ZNF503: variants seen among roughly 807,000 people sequenced by gnomAD.
The protein encoded by ZNF503 is zinc finger protein 503.
Under a neutral mutation model 34.4 loss-of-function variants are expected in ZNF503, and 15 were observed. That is an observed-to-expected ratio of 0.44 (90% CI 0.29 to 0.67). The LOEUF is 0.67. ZNF503 is among the 30% of genes least tolerant of loss of function. ZNF503 has a pLI of 0.13. For synonymous variants in ZNF503, 580 were observed against 456.8 expected (o/e 1.27, Z -3.44); for missense variants, 1,007 against 926.8 (o/e 1.09, Z -1.12).
rs1843829965 is a variant in ZNF503, at chr10:75,401,716, C to T, written c.-297G>A. 1 of 399,172 alleles carries T rather than the reference C, an allele frequency of 2.5e-6. No homozygotes were observed. Among genetic ancestry groups the T allele is most frequent in the Non-Finnish European group, 4.4e-6 (1 of 225,114 alleles). 24.7% of individuals were successfully genotyped at this position (399,172 alleles called of 1,614,324 possible). ...GCGCTGCGTTCTCGCGGCCCCGCGC[C>T]GGCGCTGCGCTCTGCGATGCGAGCC... On this transcript the variant is annotated 5_prime_UTR_variant, in exon 1 of 2. Transcript: ENST00000372524.
the ZNF503 span, among the ~76,000 whole-genome samples, chr10:75,355,172 T>C: frequency 3.9e-5 from 6 of 152,322 alleles, no homozygotes; most frequent in African/African-American, 1.2e-4. Flanking sequence ...AAGCCAAAGC[T>C]TCAATCCACA....
At chr10:75,284,777 A>T in the ZNF503 span, among the ~76,000 whole-genome samples, 1 of 152,214 alleles carries the variant, frequency 6.6e-6, no homozygotes, top group African/African-American at 2.4e-5. Flanking sequence ...GTCTTTATTT[A>T]CACTCAAATG....
chr10:75,392,453 G>A, the ZNF503 span, among the ~76,000 whole-genome samples: 8 of 152,310 alleles, frequency 5.3e-5, no homozygotes, highest in African/African-American at 2.4e-5. Flanking sequence ...GTGGTGGGGG[G>A]AAAATCTAGA....
At chr10:75,310,992 T>C in the ZNF503 span, among the ~76,000 whole-genome samples, 1 of 152,182 alleles carries the variant, frequency 6.6e-6, no homozygotes, top group African/African-American at 2.4e-5. Context: ...AGACAATTGT[T>C]TTAGCCAGGG....
At chr10:75,381,650 A>G in the ZNF503 span, among the ~76,000 whole-genome samples, 4 of 152,020 alleles carry the variant, frequency 2.6e-5, no homozygotes, top group African/African-American at 4.8e-5. Flanking sequence ...GGAGCAACAA[A>G]ATAGAACTTT....
chr10:75,309,790 T>G, the ZNF503 span, among the ~76,000 whole-genome samples: 1 of 152,244 alleles, frequency 6.6e-6, no homozygotes, highest in Non-Finnish European at 1.5e-5. Context: ...ATGTCTTTGG[T>G]GTCATATCTA....
chr10:75,328,216 G>C, the ZNF503 span, among the ~76,000 whole-genome samples: 2 of 152,030 alleles, frequency 1.3e-5, no homozygotes, highest in Non-Finnish European at 2.9e-5. Context: ...TCTTCTAGTA[G>C]TTTCATCATT....
chr10:75,369,283 T>C, the ZNF503 span, among the ~76,000 whole-genome samples: 24 of 152,370 alleles, frequency 1.6e-4, no homozygotes, highest in Admixed American at 7.2e-4. Flanking sequence ...TTTTTTGATA[T>C]GGTTTGGCTC....
At chr10:75,393,676 G>T (rs1005120181), downstream of ZNF503, among the ~76,000 whole-genome samples, 2 of 152,166 alleles carry the variant, frequency 1.3e-5, no homozygotes, top group African/African-American at 4.8e-5. Flanking sequence ...GGCCAACATG[G>T]TGAAACCCTG....
At position 75,401,488 on chromosome 10, in the gene ZNF503, C is replaced by T; in HGVS notation, c.-69G>A. The T allele has an allele frequency of 1.4e-6, 2 of 1,469,006 alleles. No individual in the cohort carries two copies. Among genetic ancestry groups the T allele is most frequent in the Non-Finnish European group, 1.8e-6 (2 of 1,115,732 alleles). The allele number at this position is 1,469,006 out of a possible 1,614,324, so 91.0% of individuals were successfully genotyped here. A position where few individuals can be genotyped will look rare whatever the true frequency, so the allele number is the denominator to read the frequency against. On this transcript the variant is annotated 5_prime_UTR_variant, in exon 1 of 2. Coordinates refer to ENST00000372524, the MANE Select transcript of ZNF503 (RefSeq NM_032772.6). Reference sequence around the variant, plus strand: ...GAGGCGCGGGGCGGGCTCGGGGCTGCGCGCTCGCCCCGGGAGCAGGAGCAG... The same window carrying T: ...GAGGCGCGGGGCGGGCTCGGGGCTGTGCGCTCGCCCCGGGAGCAGGAGCAG...
rs1450391183 is a variant in ZNF503 at position 75,399,916 on chromosome 10, G to A, written c.774C>T (p.Thr258=). The change falls in exon 2 of 2, where the codon ACC becomes ACT. Residue 258 remains threonine, a synonymous_variant. Coordinates refer to ENST00000372524, the MANE Select transcript of ZNF503 (RefSeq NM_032772.6). The part of the protein sequence containing the change: ...APEGKDDKKD[T]DVGGGGKGTG... Reference sequence around the variant, plus strand: ...TGCCCTTGCCACCGCCGCCCACGTCGGTGTCTTTCTTGTCGTCCTTGCCCT... The same window carrying A: ...TGCCCTTGCCACCGCCGCCCACGTCAGTGTCTTTCTTGTCGTCCTTGCCCT... 4 of 1,605,908 alleles carry A rather than the reference G, an allele frequency of 2.5e-6. No homozygotes were observed. In the East Asian group the frequency reaches 6.7e-5, roughly 27 times the overall value.
the ZNF503 span, chr10:75,338,293 T>C: frequency 2.0e-5 from 3 of 152,252 alleles, no homozygotes; most frequent in African/African-American, 7.2e-5. Context: ...ACCTTGCATT[T>C]ATGGAACACT....
At chr10:75,348,507 A>ATT in the ZNF503 span, among the ~76,000 whole-genome samples, 1,302 of 99,324 alleles carry the variant, frequency 0.013, 58 homozygotes, top group African/African-American at 0.046. Flanking sequence ...CCCTATTACT[A>ATT]TTTTTTTTTT....
chr10:75,284,872 A>G, the ZNF503 span, among the ~76,000 whole-genome samples: 8 of 152,244 alleles, frequency 5.3e-5, no homozygotes, highest in Admixed American at 5.2e-4. Context: ...AGCTAAAGAA[A>G]TACAAGTATT....
At chr10:75,293,871 G>A in the ZNF503 span, among the ~76,000 whole-genome samples, 1 of 152,166 alleles carries the variant, frequency 6.6e-6, no homozygotes, top group African/African-American at 2.4e-5. Context: ...TGTGGTCCAG[G>A]AAAGTCCTGG....
At chr10:75,286,639 T>C in the ZNF503 span, among the ~76,000 whole-genome samples, 1 of 152,204 alleles carries the variant, frequency 6.6e-6, no homozygotes, top group African/African-American at 2.4e-5. Context: ...GAAGCCTGAC[T>C]GAGATGCACA....
rs750168325 is a variant in ZNF503, at chr10:75,399,496, C to T, written c.1194G>A (p.Ala398=). 8.9e-6 allele frequency: 14 copies of T among 1,567,508 alleles called. No homozygotes were observed. The highest frequency in any genetic ancestry group is 2.3e-5 in the South Asian group (2 of 88,054). Residue 398 remains alanine (A), a synonymous_variant, in exon 2 of 2, where the codon GCG becomes GCA. Coordinates refer to ENST00000372524, the MANE Select transcript of ZNF503 (RefSeq NM_032772.6). The part of the protein sequence containing the change: ...SLVGAQLAAA[A]AGSLGCSKPA... ...GCTTACTGCAGCCCAGAGACCCGGCCGCGGCCGCCGCCAGCTGCGCCCCCA... is the reference window on the plus strand; with the variant it reads ...GCTTACTGCAGCCCAGAGACCCGGCTGCGGCCGCCGCCAGCTGCGCCCCCA...
At chr10:75,356,046 AG>A in the ZNF503 span, among the ~76,000 whole-genome samples, 51 of 152,232 alleles carry the variant, frequency 3.4e-4, 1 homozygote, top group South Asian at 0.01. Flanking sequence ...CCCAGGAGAG[AG>A]TGACAAGTGA....
chr10:75,375,173 T>A, the ZNF503 span, among the ~76,000 whole-genome samples: 2 of 152,156 alleles, frequency 1.3e-5, no homozygotes, highest in African/African-American at 4.8e-5. Context: ...CAGGCTGGAG[T>A]GCAGTGGTGC....
Sources: gnomAD v4.1 joint callset for allele counts (sites outside exome capture counted in the v4.1 genomes callset) on GRCh38, gnomAD v4.1.1 for gene constraint, MANE v1.5 for transcripts, NCBI Gene and HGNC (gene_info 2026-07-23, HGNC 2026-07-21) for gene names.